Variants in SND1 observed in about 807,000 individuals in gnomAD.
SND1 encodes staphylococcal nuclease domain-containing protein 1.
SND1 carries 38 observed loss-of-function variants against 121.7 expected under a neutral mutation model. The observed-to-expected ratio is 0.31, with a 90% CI of 0.24 to 0.41. SND1 has a LOEUF of 0.41. Ranked by LOEUF, SND1 falls within the 10% of genes least tolerant of loss-of-function variation. SND1 has a pLI of 1.00. For missense variants in SND1, 868 were observed against 1,184.6 expected, an observed-to-expected ratio of 0.73 and a Z score of 3.92; for synonymous variants, 401 against 447.4, an observed-to-expected ratio of 0.90 and a Z score of 1.31.
At position 128,091,988 on chromosome 7, in the gene SND1, T is replaced by C; in HGVS notation, c.2668-5T>C. ...TGAAGAGCTATTGTCTGTTTTTTCT[T>C]ACAGCTGAACCTGTGGCGCTATGGA... On this transcript the variant is annotated splice_region_variant and splice_polypyrimidine_tract_variant and intron_variant, in intron 23 of 23. Transcript: ENST00000354725. The C allele has an allele frequency of 6.2e-7, 1 of 1,614,176 alleles. No homozygotes were observed. Among genetic ancestry groups the C allele is most frequent in the Non-Finnish European group, 8.5e-7 (1 of 1,180,006 alleles).
At chr7:128,068,563 G>A (rs1457154350) in intron 16 of SND1, among the ~76,000 whole-genome samples, 1 of 152,220 alleles carries the variant, frequency 6.6e-6, no homozygotes, top group Non-Finnish European at 1.5e-5. Flanking sequence ...GGTGGGGACA[G>A]GGACCAAGTG....
chr7:128,081,510 T>C lies in SND1; in HGVS notation c.2110+9T>C, dbSNP rs550974282. On this transcript the variant is annotated intron_variant, in intron 18 of 23. Coordinates refer to ENST00000354725, the MANE Select transcript of SND1 (RefSeq NM_014390.4). Reference sequence around the variant, plus strand: ...GCAGGATGTGGAGACCGGTGAGTGCTCAGGCCGCTGGCTCGTGGTTCCTGG... The same window carrying C: ...GCAGGATGTGGAGACCGGTGAGTGCCCAGGCCGCTGGCTCGTGGTTCCTGG... The C allele has an allele frequency of 6.2e-7, 1 of 1,613,270 alleles. No individual in the cohort carries two copies.
chr7:127,761,108 C>G (rs1346765963), intron 10 of SND1, among the ~76,000 whole-genome samples: 1 of 152,132 alleles, frequency 6.6e-6, no homozygotes, highest in Non-Finnish European at 1.5e-5. Flanking sequence ...TCTAGGCCAC[C>G]TACCTCTATC....
chr7:127,844,316 G>A lies in SND1; in HGVS notation c.1243-8G>A, dbSNP rs1477645904. On this transcript the variant is annotated splice_polypyrimidine_tract_variant and splice_region_variant and intron_variant, in intron 11 of 23. Transcript: ENST00000354725. ...TCAACCCTAATTCCCTTGATTCTTT[G>A]TTTCCAGGTCAATGTGACGGTGGAC... is the stretch of plus-strand genomic sequence containing the variant. 4.3e-6 allele frequency: 7 copies of A among 1,611,634 alleles called. No individual in the cohort carries two copies. The highest frequency in any genetic ancestry group is 5.9e-6 in the Non-Finnish European group (7 of 1,178,610).
chr7:127,801,423 T>C (rs1333899582), intron 10 of SND1, among the ~76,000 whole-genome samples: 13 of 152,220 alleles, frequency 8.5e-5, no homozygotes, highest in African/African-American at 3.1e-4. Flanking sequence ...ATTTCTCTTT[T>C]TCTTATCAAT....
chr7:127,759,057 A>AATAG (rs1289095272), intron 10 of SND1, among the ~76,000 whole-genome samples: 28,992 of 145,170 alleles, frequency 0.2, 2,954 homozygotes, highest in Admixed American at 0.27. Flanking sequence ...CTGTCTCAAA[A>AATAG]ATAGATAGAT....
At chr7:127,814,307 ACAGG>A (rs1260741853) in intron 11 of SND1, among the ~76,000 whole-genome samples, 1 of 152,124 alleles carries the variant, frequency 6.6e-6, no homozygotes, top group Non-Finnish European at 1.5e-5. Context: ...TAGGGAGAGG[ACAGG>A]CTTTTTTTCC....
intron 10 of SND1, among the ~76,000 whole-genome samples, chr7:127,754,686 A>T (rs765485849): frequency 6.6e-6 from 1 of 152,222 alleles, no homozygotes; most frequent in Admixed American, 6.5e-5. Flanking sequence ...CATGGCCAAG[A>T]CCAGCAGTGG....
At chr7:128,064,169 T>C (rs544876928) in intron 16 of SND1, among the ~76,000 whole-genome samples, 1 of 152,300 alleles carries the variant, frequency 6.6e-6, no homozygotes, top group Non-Finnish European at 1.5e-5. Flanking sequence ...CATTCATTAT[T>C]ATACCCATTT....
chr7:127,931,473 A>G (rs1001823715), intron 15 of SND1, among the ~76,000 whole-genome samples: 2 of 152,218 alleles, frequency 1.3e-5, no homozygotes, highest in African/African-American at 4.8e-5. Context: ...TTCATAACAT[A>G]AAAGTACAGG....
chr7:128,079,716 C>A (rs1037195704), intron 17 of SND1, among the ~76,000 whole-genome samples: 10 of 152,228 alleles, frequency 6.6e-5, no homozygotes, highest in African/African-American at 2.4e-4. Flanking sequence ...TTCCAGCATT[C>A]CTGCCTTTCT....
chr7:127,994,088 A>T (rs1321487717), intron 16 of SND1, among the ~76,000 whole-genome samples: 1 of 152,212 alleles, frequency 6.6e-6, no homozygotes, highest in Non-Finnish European at 1.5e-5. Flanking sequence ...TGCCTGAATT[A>T]TAGTCTTTCC....
intron 15 of SND1, among the ~76,000 whole-genome samples, chr7:127,974,111 C>T (rs1802061381): frequency 6.6e-6 from 1 of 152,166 alleles, no homozygotes; most frequent in African/African-American, 2.4e-5. Context: ...GGAAGAGCTG[C>T]CTGAGTGAGT....
chr7:128,029,865 C>T lies in SND1; in HGVS notation c.1779+38809C>T, dbSNP rs1348583278. 1.2e-6 allele frequency: 2 copies of T among 1,613,434 alleles called. No individual in the cohort carries two copies. The highest frequency in any genetic ancestry group is 1.3e-5 in the African/African-American group (1 of 75,028). ...TGAAGCCAGCCCGTCAAAAGCATTC[C>T]GCTCAATCAGGCTGACCTGTGAGTT... On this transcript the variant is annotated intron_variant, in intron 16 of 23. Coordinates refer to ENST00000354725, the MANE Select transcript of SND1 (RefSeq NM_014390.4). The surrounding 1 kb of genome is among the most constrained non-coding windows in gnomAD (Gnocchi z 4.2).
intron 15 of SND1, among the ~76,000 whole-genome samples, chr7:127,961,550 A>G (rs1801731013): frequency 6.6e-6 from 1 of 152,268 alleles, no homozygotes; most frequent in South Asian, 2.1e-4. Context: ...GAGGGAAGAA[A>G]GCAGAACCTA....
At chr7:127,666,008 C>T (rs1795411989) in intron 1 of SND1, among the ~76,000 whole-genome samples, 3 of 152,180 alleles carry the variant, frequency 2.0e-5, no homozygotes, top group South Asian at 4.1e-4. Context: ...TAATTACTTG[C>T]ATTATTGCTC....
chr7:128,036,913 T>G (rs542347927), intron 16 of SND1, among the ~76,000 whole-genome samples: 1 of 152,230 alleles, frequency 6.6e-6, no homozygotes, highest in African/African-American at 2.4e-5. Context: ...GTAATAATGG[T>G]TTTAATAGCA....
intron 12 of SND1, among the ~76,000 whole-genome samples, chr7:127,852,363 C>T (rs1317535390): frequency 1.3e-5 from 2 of 150,786 alleles, no homozygotes; most frequent in Non-Finnish European, 3.0e-5. Flanking sequence ...GTGTGGGCAC[C>T]TATAATCTCA....
At chr7:127,978,843 C>T (rs575894236) in intron 15 of SND1, among the ~76,000 whole-genome samples, 3 of 152,262 alleles carry the variant, frequency 2.0e-5, no homozygotes, top group South Asian at 2.1e-4. Context: ...CACACCACCA[C>T]GCCTGGCCAA....
Sources: allele counts gnomAD v4.1 joint callset (sites outside exome capture counted in the v4.1 genomes callset), GRCh38; gene constraint gnomAD v4.1.1; non-coding constraint Gnocchi (gnomAD v3.1); transcripts MANE v1.5; gene names NCBI Gene and HGNC (gene_info 2026-07-23, HGNC 2026-07-21).